PRDM15: variants seen among roughly 807,000 people sequenced by gnomAD.
The protein encoded by PRDM15 is PR domain zinc finger protein 15.
Under a neutral mutation model 128.6 loss-of-function variants are expected in PRDM15, and 64 were observed. The observed-to-expected ratio is 0.50, with a 90% confidence interval of 0.41 to 0.61. The LOEUF is 0.61. PRDM15 is among the 20% of genes least tolerant of loss of function. The pLI is 0.00. For missense variants in PRDM15, 1,242 were observed against 1,569.1 expected (o/e 0.79, Z 3.52); for synonymous variants, 615 against 621.8 (o/e 0.99, Z 0.16).
In PRDM15 at chr21:41,862,845, T is replaced by C. The variant is rs2063866427; in HGVS notation, c.-9-2473A>G. Among the ~76,000 whole-genome samples the C allele has an allele frequency of 6.6e-6, 1 of 152,030 alleles. No homozygotes were observed. The highest frequency in any genetic ancestry group is 2.4e-5 in the African/African-American group (1 of 41,390). On this transcript the variant is annotated intron_variant, in intron 1 of 23. Transcript: ENST00000398548. This position sits in a 1 kb window ranked among gnomAD's most constrained non-coding sequence, Gnocchi z 4.1. ...AACAAGGCACACAGGAAGTACTGTTTCAGGGAAAAGGAGAGGAAAAAAGAA... is the reference window on the plus strand; with the variant it reads ...AACAAGGCACACAGGAAGTACTGTTCCAGGGAAAAGGAGAGGAAAAAAGAA...
In PRDM15 at chr21:41,819,609, C is replaced by T. The variant is rs778455037; in HGVS notation, c.2233G>A (p.Glu745Lys). 4 of 1,612,752 alleles carry T rather than the reference C, an allele frequency of 2.5e-6. No individual in the cohort carries two copies. Among genetic ancestry groups the T allele is most frequent in the East Asian group, 2.2e-5 (1 of 44,862 alleles). Residue 745 changes from glutamate to lysine, a missense_variant, in exon 18 of 24, where the codon GAG becomes AAG. Coordinates refer to ENST00000398548, the MANE Select transcript of PRDM15 (RefSeq NM_001040424.3). ...TTCCCACACTCGGCACACAGGTACT[C>T]GCGGACATTGTCGTGCACACGCATG... ...EHMRVHDNVR[E>K]YLCAECGKGM...
At chr21:41,877,431 T>C (rs1451388599) in intron 1 of PRDM15, 3 of 152,290 alleles carry the variant, frequency 2.0e-5, no homozygotes, top group African/African-American at 7.2e-5. Flanking sequence ...GCCGAATGAA[T>C]GAATATCTGC....
chr21:41,829,869 TAC>T (rs1429078645), intron 11 of PRDM15, among the ~76,000 whole-genome samples: 1 of 143,298 alleles, frequency 7.0e-6, no homozygotes, highest in Non-Finnish European at 1.5e-5. Context: ...ACATACCACA[TAC>T]ACACACACTC....
intron 3 of PRDM15, among the ~76,000 whole-genome samples, chr21:41,857,965 C>G (rs938912237): frequency 1.3e-5 from 2 of 152,114 alleles, no homozygotes; most frequent in African/African-American, 4.8e-5. Context: ...TTTAATTCCC[C>G]GTGGGAAAGA....
At chr21:41,806,078 TCACCACCAC>T (rs1357878564) in intron 21 of PRDM15, among the ~76,000 whole-genome samples, 51 of 5,528 alleles carry the variant, frequency 9.2e-3, no homozygotes, top group Non-Finnish European at 0.01. Context: ...ACCACCACCA[TCACCACCAC>T]CACCATCACC....
Position 41,821,963 on chromosome 21 carries a change from A to G in PRDM15, c.1836T>C (p.Asp612=). 1 of 1,614,178 alleles carries G rather than the reference A, an allele frequency of 6.2e-7. No homozygotes were observed. Among genetic ancestry groups the G allele is most frequent in the Non-Finnish European group, 8.5e-7 (1 of 1,180,034 alleles). ...GKIGISSEEN[D]DNSDESADSE... ...AGTCTGCGCTCTCGTCAGAATTGTC[A>G]TCGTTTTCTTCCGAGGAGATCCCGA... Residue 612 remains aspartate (D), a synonymous_variant, in exon 15 of 24, where the codon GAT becomes GAC. Coordinates refer to ENST00000398548, the MANE Select transcript of PRDM15 (RefSeq NM_001040424.3). The surrounding 1 kb of genome is among the most constrained non-coding windows in gnomAD (Gnocchi z 5.4).
intron 14 of PRDM15, among the ~76,000 whole-genome samples, chr21:41,822,408 G>A (rs895608862): frequency 2.0e-5 from 3 of 152,164 alleles, no homozygotes; most frequent in Admixed American, 6.5e-5. Flanking sequence ...CACACCCCAA[G>A]TCCTCCCTGC....
Position 41,810,097 on chromosome 21 carries a change from G to A in PRDM15, c.2652+57C>T, listed in dbSNP as rs1242921232. Reference sequence around the variant, plus strand: ...GAGGTGGGCCATGTGCCAGCATGGGGGTGTCCGGTGCGCGGCCCGCTGGCG... The same window carrying A: ...GAGGTGGGCCATGTGCCAGCATGGGAGTGTCCGGTGCGCGGCCCGCTGGCG... On this transcript the variant is annotated intron_variant, in intron 21 of 23. Transcript: ENST00000398548. The surrounding 1 kb of genome is among the most constrained non-coding windows in gnomAD (Gnocchi z 6.4). 1 of 1,540,520 alleles carries A rather than the reference G, an allele frequency of 6.5e-7. No individual in the cohort carries two copies. Among genetic ancestry groups the A allele is most frequent in the Non-Finnish European group, 8.8e-7 (1 of 1,138,456 alleles).
intron 22 of PRDM15, among the ~76,000 whole-genome samples, chr21:41,803,717 A>G (rs1601725873): frequency 6.6e-6 from 1 of 152,138 alleles, no homozygotes; most frequent in African/African-American, 2.4e-5. Flanking sequence ...CTGGGGCTGG[A>G]GCCGCCGTAC....
rs2063848664 is a variant in PRDM15, at chr21:41,862,403, ACCTT to A, written c.-9-2035_-9-2032del. Among the ~76,000 whole-genome samples the A allele has an allele frequency of 1.3e-5, 2 of 152,096 alleles. No individual in the cohort carries two copies. Among genetic ancestry groups the A allele is most frequent in the Admixed American group, 6.5e-5 (1 of 15,268 alleles). ...GTGTGGCCGCCTCTCCCCGGGGCAG[ACCTT>A]GCCTCTGGCCTACACCTCTCACAGA... On this transcript the variant is annotated intron_variant, in intron 1 of 23. Transcript: ENST00000398548. The surrounding 1 kb of genome is among the most constrained non-coding windows in gnomAD (Gnocchi z 4.1).
chr21:41,863,605 G>A (rs2145943821), intron 1 of PRDM15, among the ~76,000 whole-genome samples: 1 of 151,982 alleles, frequency 6.6e-6, no homozygotes, highest in Non-Finnish European at 1.5e-5. Context: ...AACGGGAAAT[G>A]GGGGGTGACT....
At position 41,836,446 on chromosome 21, in the gene PRDM15, C is replaced by T. The variant is rs202100188; in HGVS notation, c.1183+22G>A. ...CAGTCCTGGCCCTGGCCCCGGGCGC[C>T]AGCCGGGCCTCGCGGACTCACCATG... On this transcript the variant is annotated intron_variant, in intron 9 of 23. Coordinates refer to ENST00000398548, the MANE Select transcript of PRDM15 (RefSeq NM_001040424.3). 4.0e-4 allele frequency: 638 copies of T among 1,598,288 alleles called. 2 individuals are homozygous for T. The African/African-American group carries it at 7.5e-3, about 19-fold the overall frequency.
At chr21:41,866,311 T>C (rs1451228700) in intron 1 of PRDM15, among the ~76,000 whole-genome samples, 1 of 152,270 alleles carries the variant, frequency 6.6e-6, no homozygotes, top group South Asian at 2.1e-4. Context: ...ATGTTCCATA[T>C]AAAAAGGGAT....
chr21:41,827,180 C>A (rs934386219), intron 12 of PRDM15, among the ~76,000 whole-genome samples: 4 of 152,032 alleles, frequency 2.6e-5, no homozygotes, highest in African/African-American at 9.7e-5. Flanking sequence ...AGTATACCAC[C>A]CAAGGAACCA....
chr21:41,859,325 C>T lies in PRDM15; in HGVS notation c.131+267G>A, dbSNP rs946703596. 25 of 1,140,228 alleles carry T rather than the reference C, an allele frequency of 2.2e-5. No homozygotes were observed. In the African/African-American group the frequency reaches 3.6e-4, roughly 17 times the overall value. 70.6% of individuals were successfully genotyped at this position (1,140,228 alleles called of 1,614,324 possible). A position where few individuals can be genotyped will look rare whatever the true frequency, so the allele number is the denominator to read the frequency against. On this transcript the variant is annotated intron_variant, in intron 3 of 23. Transcript: ENST00000398548. The surrounding 1 kb of genome is among the most constrained non-coding windows in gnomAD (Gnocchi z 5.3). ...GGCAAGTCCACTCTTCTGCAGCCTC[C>T]ACACACTGTGTCGGGAACAGCTGGG...
At chr21:41,820,051 C>A (rs764643606) in intron 17 of PRDM15, 44 bp downstream of exon 17, 2 of 1,536,714 alleles carry the variant, frequency 1.3e-6, no homozygotes, top group South Asian at 1.1e-5. Context: ...CCTGCCAGCC[C>A]CCTCCAGCGA....
In PRDM15 at chr21:41,862,119, G is replaced by C; in HGVS notation, c.-9-1747C>G. The C allele has an allele frequency of 2.6e-6, 2 of 768,710 alleles. No homozygotes were observed. Among genetic ancestry groups the C allele is most frequent in the Non-Finnish European group, 4.5e-6 (2 of 445,562 alleles). 47.6% of individuals were successfully genotyped at this position (768,710 alleles called of 1,614,324 possible). A position where few individuals can be genotyped will look rare whatever the true frequency, so the allele number is the denominator to read the frequency against. ...GGCAGAAGAAACCCAGAGTGGGGTG[G>C]GGAGGGCGCACGCTTTCATGAGTTG... On this transcript the variant is annotated intron_variant, in intron 1 of 23. Transcript: ENST00000398548. This position sits in a 1 kb window ranked among gnomAD's most constrained non-coding sequence, Gnocchi z 4.1.
intron 11 of PRDM15, among the ~76,000 whole-genome samples, chr21:41,833,085 G>T (rs911781226): frequency 1.3e-5 from 2 of 152,200 alleles, no homozygotes; most frequent in Admixed American, 1.3e-4. Context: ...GGGGTGCAGG[G>T]CACCTGGGGA....
intron 1 of PRDM15, chr21:41,878,838 C>T: frequency 1.1e-6 from 1 of 917,822 alleles, no homozygotes; most frequent in African/African-American, 5.6e-5. Flanking sequence ...GCCGCGGGGC[C>T]GCGGGCCGGG....
Sources: allele counts gnomAD v4.1 joint callset (sites outside exome capture counted in the v4.1 genomes callset), GRCh38; gene constraint gnomAD v4.1.1; non-coding constraint Gnocchi (gnomAD v3.1); transcripts MANE v1.5; gene names NCBI Gene and HGNC (gene_info 2026-07-23, HGNC 2026-07-21).